Variants in TRPM3 observed in about 807,000 individuals in gnomAD.
The protein encoded by TRPM3 is long transient receptor potential channel 3.
TRPM3 carries 77 observed loss-of-function variants against 181.2 expected under a neutral mutation model. That is an observed-to-expected ratio of 0.42 (90% CI 0.35 to 0.51). The LOEUF is 0.51. Ranked by LOEUF, TRPM3 falls within the 20% of genes least tolerant of loss-of-function variation. TRPM3 has a pLI of 0.01. For synonymous variants in TRPM3, 745 were observed against 796.4 expected (o/e 0.94, Z 1.09); for missense variants, 1,759 against 2,196.7 (o/e 0.80, Z 3.98).
At chr9:71,202,167 G>A (rs188661802) in intron 1 of TRPM3, among the ~76,000 whole-genome samples, 88 of 152,296 alleles carry the variant, frequency 5.8e-4, no homozygotes, top group African/African-American at 2.1e-3. Context: ...CGCAAATGCT[G>A]CTGTCTGATC....
intron 22 of TRPM3, among the ~76,000 whole-genome samples, chr9:70,561,870 T>C (rs1042278898): frequency 2.0e-5 from 3 of 152,228 alleles, no homozygotes; most frequent in Non-Finnish European, 4.4e-5. Context: ...GGGATGACAC[T>C]GTCAAGCTTC....
At chr9:71,332,190 T>C (rs187822987) in intron 1 of TRPM3, among the ~76,000 whole-genome samples, 5 of 151,972 alleles carry the variant, frequency 3.3e-5, no homozygotes, top group Admixed American at 2.6e-4. Context: ...TTTTAAAATA[T>C]ACTTTAGAAT....
chr9:71,201,126 C>T (rs1479703083), intron 1 of TRPM3, among the ~76,000 whole-genome samples: 3 of 151,560 alleles, frequency 2.0e-5, no homozygotes, highest in South Asian at 2.1e-4. Context: ...TTCTCCTTCA[C>T]TTATGAAGCT....
rs2069238138 is a variant in TRPM3 at position 71,105,216 on chromosome 9, C to T, written c.177+15962G>A. Among the ~76,000 whole-genome samples the T allele has an allele frequency of 2.6e-5, 4 of 152,274 alleles. No individual in the cohort carries two copies. The South Asian group carries it at 8.3e-4, about 32-fold the overall frequency. ...AGACACAGGAGTGCATATTGTATGA[C>T]TTGACTTACACAAAGTTCTAGACAG... is the stretch of plus-strand genomic sequence containing the variant. On this transcript the variant is annotated intron_variant, in intron 1 of 25. Transcript: ENST00000677713.
intron 1 of TRPM3, among the ~76,000 whole-genome samples, chr9:71,158,344 G>C (rs2076104171): frequency 6.6e-6 from 1 of 152,068 alleles, no homozygotes; most frequent in African/African-American, 2.4e-5. Context: ...TGTGATTTGA[G>C]TACAACACTT....
chr9:71,063,288 A>G (rs1261191720), intron 1 of TRPM3, among the ~76,000 whole-genome samples: 1 of 152,120 alleles, frequency 6.6e-6, no homozygotes, highest in Non-Finnish European at 1.5e-5. Flanking sequence ...CTTGATGGTG[A>G]TCAATAGCTT....
intron 1 of TRPM3, among the ~76,000 whole-genome samples, chr9:71,370,158 G>A (rs1042432881): frequency 1.3e-5 from 2 of 151,972 alleles, no homozygotes; most frequent in Non-Finnish European, 2.9e-5. Flanking sequence ...CTCTCCGTGG[G>A]CCTGTCTATT....
At chr9:70,977,861 C>T (rs898197153) in intron 1 of TRPM3, among the ~76,000 whole-genome samples, 2 of 152,182 alleles carry the variant, frequency 1.3e-5, no homozygotes, top group South Asian at 2.1e-4. Context: ...CATGCACTTT[C>T]GAGGTGTGCC....
chr9:71,015,608 T>C (rs988165805), intron 1 of TRPM3, among the ~76,000 whole-genome samples: 2 of 152,214 alleles, frequency 1.3e-5, no homozygotes, highest in Admixed American at 1.3e-4. Flanking sequence ...TTATTCTGTT[T>C]TGATGACATT....
intron 8 of TRPM3, among the ~76,000 whole-genome samples, chr9:70,688,623 T>A (rs1341616238): frequency 6.6e-6 from 1 of 152,198 alleles, no homozygotes; most frequent in African/African-American, 2.4e-5. Flanking sequence ...CAATCCCACG[T>A]ACCTGATGCC....
chr9:70,864,648 A>G (rs2095608191), intron 1 of TRPM3, 137 bp from the exon 2 acceptor site: 1 of 472,518 alleles, frequency 2.1e-6, no homozygotes, highest in East Asian at 3.4e-5. Flanking sequence ...TGAAATTGTG[A>G]TTATTTCACA....
chr9:70,942,554 T>C (rs2096896275), intron 1 of TRPM3, among the ~76,000 whole-genome samples: 3 of 152,250 alleles, frequency 2.0e-5, no homozygotes. Context: ...TCTTGTCTTC[T>C]TTGCCAGTGG....
chr9:71,069,600 C>T, intron 1 of TRPM3, among the ~76,000 whole-genome samples: 1 of 146,208 alleles, frequency 6.8e-6, no homozygotes. Flanking sequence ...TGCCAAAATT[C>T]CTTTTTTCTT....
chr9:71,426,948 A>G (rs910406981), intron 1 of TRPM3, among the ~76,000 whole-genome samples: 4 of 152,122 alleles, frequency 2.6e-5, no homozygotes, highest in African/African-American at 7.2e-5. Flanking sequence ...ATAAAAGATT[A>G]CTTCCCCAAT....
chr9:70,769,906 G>A (rs2079893050), intron 7 of TRPM3, among the ~76,000 whole-genome samples: 1 of 152,126 alleles, frequency 6.6e-6, no homozygotes, highest in Admixed American at 6.5e-5. Flanking sequence ...TGCTTTAGGT[G>A]GGTGACCAGG....
At chr9:70,929,961 T>C (rs1246265366) in intron 1 of TRPM3, among the ~76,000 whole-genome samples, 1 of 152,206 alleles carries the variant, frequency 6.6e-6, no homozygotes, top group Non-Finnish European at 1.5e-5. Context: ...TATGATTGGT[T>C]CTTCACAACA....
intron 19 of TRPM3, among the ~76,000 whole-genome samples, chr9:70,607,457 T>C (rs865837714): frequency 2.0e-4 from 31 of 152,266 alleles, no homozygotes; most frequent in Middle Eastern, 3.4e-3. Flanking sequence ...ATTGAACAGA[T>C]CTGGGGGATC....
At chr9:70,995,391 C>T (rs556417149) in intron 1 of TRPM3, among the ~76,000 whole-genome samples, 1 of 152,300 alleles carries the variant, frequency 6.6e-6, no homozygotes, top group South Asian at 2.1e-4. Flanking sequence ...TAACTCTTAT[C>T]TTTCCTAAAA....
At chr9:71,257,037 T>C (rs1352500867) in intron 1 of TRPM3, among the ~76,000 whole-genome samples, 2 of 152,230 alleles carry the variant, frequency 1.3e-5, no homozygotes, top group Non-Finnish European at 2.9e-5. Context: ...TTCTCAAATG[T>C]ACCATCTTTA....
Sources: gnomAD v4.1 joint callset for allele counts (sites outside exome capture counted in the v4.1 genomes callset) on GRCh38, gnomAD v4.1.1 for gene constraint, MANE v1.5 for transcripts, NCBI Gene and HGNC (gene_info 2026-07-23, HGNC 2026-07-21) for gene names.